FUT8: variants seen among roughly 807,000 people sequenced by gnomAD.
FUT8 encodes the protein fucosyltransferase 8.
A neutral mutation model predicts 71.3 loss-of-function variants in FUT8; 29 were observed. That is an observed-to-expected ratio of 0.41 (90% CI 0.30 to 0.55). The LOEUF is 0.55. FUT8 is among the 20% of genes least tolerant of loss of function. The pLI is 0.34. For synonymous variants in FUT8, 254 were observed against 239.3 expected (o/e 1.06, Z -0.57); for missense variants, 544 against 702.1 (o/e 0.77, Z 2.55).
chr14:65,537,871 G>A (rs1033122157), intron 2 of FUT8, among the ~76,000 whole-genome samples: 1 of 152,160 alleles, frequency 6.6e-6, no homozygotes, highest in Non-Finnish European at 1.5e-5. Flanking sequence ...AGGTGCCCTC[G>A]GACTGCTAGT....
At chr14:65,717,753 C>T (rs1246116265) in intron 7 of FUT8, among the ~76,000 whole-genome samples, 1 of 150,628 alleles carries the variant, frequency 6.6e-6, no homozygotes, top group Admixed American at 6.6e-5. Context: ...TCAGACGGGG[C>T]GGCCTGGCAG....
intron 6 of FUT8, among the ~76,000 whole-genome samples, chr14:65,633,920 C>A (rs899361013): frequency 6.6e-6 from 1 of 151,856 alleles, no homozygotes; most frequent in Non-Finnish European, 1.5e-5. Flanking sequence ...GCCCGGCCAG[C>A]TGCCCCGTCC....
the FUT8 span, among the ~76,000 whole-genome samples, chr14:65,386,202 G>A: frequency 6.6e-6 from 1 of 151,858 alleles, no homozygotes; most frequent in Non-Finnish European, 1.5e-5. Context: ...AGCTACTCAG[G>A]AGGCTATGGC....
At chr14:65,572,064 CA>C (rs1886508055) in intron 3 of FUT8, among the ~76,000 whole-genome samples, 2 of 152,106 alleles carry the variant, frequency 1.3e-5, no homozygotes, top group Non-Finnish European at 2.9e-5. Flanking sequence ...TGTATAGGCA[CA>C]GTGAATGGCT....
the FUT8 span, among the ~76,000 whole-genome samples, chr14:65,390,008 G>A: frequency 6.6e-6 from 1 of 151,152 alleles, no homozygotes; most frequent in Non-Finnish European, 1.5e-5. Flanking sequence ...GGGCCTGTTG[G>A]TACACGCTTG....
chr14:65,673,571 G>C (rs539834041), intron 7 of FUT8, among the ~76,000 whole-genome samples: 1 of 152,314 alleles, frequency 6.6e-6, no homozygotes, highest in South Asian at 2.1e-4. Context: ...GGACATGGTG[G>C]AAGAATTTTC....
chr14:65,647,691 A>G (rs771780428), intron 6 of FUT8, among the ~76,000 whole-genome samples: 12 of 152,294 alleles, frequency 7.9e-5, no homozygotes, highest in Middle Eastern at 3.4e-3. Flanking sequence ...TGTTCCATAT[A>G]TAGTAGAGGT....
chr14:65,359,848 C>T, the FUT8 span, among the ~76,000 whole-genome samples: 4 of 151,314 alleles, frequency 2.6e-5, no homozygotes, highest in African/African-American at 4.9e-5. Context: ...TTTTTTGAGA[C>T]GGAGTCTTGC....
chr14:65,549,872 T>C (rs1256000951), intron 2 of FUT8, among the ~76,000 whole-genome samples: 1 of 152,030 alleles, frequency 6.6e-6, no homozygotes, highest in Non-Finnish European at 1.5e-5. Context: ...GAAAAGAGGT[T>C]TACACAGTGA....
intron 10 of FUT8, 34 bp downstream of exon 10, chr14:65,733,415 T>C: frequency 6.7e-7 from 1 of 1,494,824 alleles, no homozygotes; most frequent in Non-Finnish European, 9.0e-7. Context: ...AAATAACCAA[T>C]ACTTTTTGGT....
intron 7 of FUT8, among the ~76,000 whole-genome samples, chr14:65,703,087 C>T (rs1384850117): frequency 1.3e-5 from 2 of 152,158 alleles, no homozygotes; most frequent in African/African-American, 2.4e-5. Flanking sequence ...GAGGAAGTGG[C>T]AGAAGTCTTC....
chr14:65,650,861 A>C (rs932152772), intron 6 of FUT8, among the ~76,000 whole-genome samples: 7 of 152,140 alleles, frequency 4.6e-5, no homozygotes, highest in African/African-American at 1.7e-4. Context: ...GGGGGGAAAA[A>C]AAAGCCCCAT....
intron 7 of FUT8, among the ~76,000 whole-genome samples, chr14:65,718,127 G>A (rs1244609215): frequency 6.6e-6 from 1 of 152,060 alleles, no homozygotes; most frequent in East Asian, 1.9e-4. Context: ...TGGTTATTTT[G>A]TGGTCTTCTC....
chr14:65,525,448 C>G (rs1883388950), intron 2 of FUT8, among the ~76,000 whole-genome samples: 1 of 152,126 alleles, frequency 6.6e-6, no homozygotes, highest in Admixed American at 6.5e-5. Context: ...TTTGATTCTT[C>G]TCTCTTTACT....
chr14:65,389,156 A>G, the FUT8 span, among the ~76,000 whole-genome samples: 1 of 150,426 alleles, frequency 6.6e-6, no homozygotes, highest in African/African-American at 2.4e-5. Context: ...ACTGTACCTG[A>G]CATACTATAT....
At chr14:65,485,271 C>A (rs2066392071) in intron 2 of FUT8, among the ~76,000 whole-genome samples, 1 of 152,180 alleles carries the variant, frequency 6.6e-6, no homozygotes, top group Non-Finnish European at 1.5e-5. Flanking sequence ...TGCCTCTTTG[C>A]ATATCTGGTA....
Position 65,643,511 on chromosome 14 carries a change from G to A in FUT8, c.597+13905G>A, listed in dbSNP as rs1321910313. Among the ~76,000 whole-genome samples the A allele has an allele frequency of 6.6e-6, 1 of 152,006 alleles. No homozygotes were observed. The highest frequency in any genetic ancestry group is 1.5e-5 in the Non-Finnish European group (1 of 68,004). ...CTACTAAAAATACAAAAGATTAGCC[G>A]GGCGTGGTGGCGGGCACCTGTAGTC... On this transcript the variant is annotated intron_variant, in intron 6 of 10. Coordinates refer to ENST00000673929, the MANE Select transcript of FUT8 (RefSeq NM_001371533.1). The surrounding 1 kb of genome is among the most constrained non-coding windows in gnomAD (Gnocchi z 4.5).
chr14:65,733,839 C>T (rs1896093737), intron 10 of FUT8, among the ~76,000 whole-genome samples: 2 of 152,090 alleles, frequency 1.3e-5, no homozygotes, highest in Admixed American at 6.6e-5. Flanking sequence ...ATGTAATTCC[C>T]TTTCAAGTTC....
At chr14:65,662,423 C>A (rs2300866) in intron 6 of FUT8, among the ~76,000 whole-genome samples, 4,728 of 152,050 alleles carry the variant, frequency 0.031, 181 homozygotes, top group East Asian at 0.093. Flanking sequence ...TAAAAAGGGA[C>A]CTGAATTCAG....
Sources: allele counts gnomAD v4.1 joint callset (sites outside exome capture counted in the v4.1 genomes callset), GRCh38; gene constraint gnomAD v4.1.1; non-coding constraint Gnocchi (gnomAD v3.1); transcripts MANE v1.5; gene names NCBI Gene and HGNC (gene_info 2026-07-23, HGNC 2026-07-21).